SOX5: variants seen among roughly 807,000 people sequenced by gnomAD.
SOX5 encodes the protein transcription factor SOX-5.
A neutral mutation model predicts 92.0 loss-of-function variants in SOX5; 9 were observed. That is an observed-to-expected ratio of 0.10 (90% CI 0.06 to 0.17). The LOEUF (loss-of-function observed/expected upper bound fraction) is 0.17, where lower values mean the gene tolerates loss of function less well. Among genes scored for constraint, SOX5 ranks in the 10% least tolerant of loss-of-function variants. The pLI, the probability that SOX5 is intolerant of heterozygous loss-of-function variation, is 1.00. For missense variants in SOX5, 642 were observed against 944.5 expected (o/e 0.68, Z 4.20); for synonymous variants, 344 against 336.3 (o/e 1.02, Z -0.25).
At chr12:24,247,623 T>A (rs1028923586) in intron 3 of SOX5, among the ~76,000 whole-genome samples, 1 of 150,456 alleles carries the variant, frequency 6.6e-6, no homozygotes, top group African/African-American at 2.4e-5. Context: ...AGCAATGCAA[T>A]GATCCCTGAT....
chr12:24,169,663 AG>A (rs1313937639), intron 4 of SOX5, among the ~76,000 whole-genome samples: 2 of 152,238 alleles, frequency 1.3e-5, no homozygotes, highest in Admixed American at 1.3e-4. Context: ...ACAAGAAATG[AG>A]AAGTATTAAA....
intron 1 of SOX5, among the ~76,000 whole-genome samples, chr12:24,552,138 C>A (rs1156242182): frequency 6.6e-6 from 1 of 152,000 alleles, no homozygotes. Flanking sequence ...TGACTTGAAG[C>A]ATGTTAATGT....
chr12:24,040,420 T>G (rs1440594562), intron 4 of SOX5, among the ~76,000 whole-genome samples: 1 of 152,220 alleles, frequency 6.6e-6, no homozygotes, highest in African/African-American at 2.4e-5. Flanking sequence ...ACAAAGTAAT[T>G]GTAACCATAC....
chr12:24,364,737 C>T (rs1319796189), intron 2 of SOX5, among the ~76,000 whole-genome samples: 1 of 151,732 alleles, frequency 6.6e-6, no homozygotes, highest in African/African-American at 2.4e-5. Flanking sequence ...AATGAACTAC[C>T]TGCTGTTTTC....
intron 1 of SOX5, among the ~76,000 whole-genome samples, chr12:24,544,662 AT>A (rs1952446342): frequency 6.6e-6 from 1 of 152,254 alleles, no homozygotes. Context: ...ATTTAAAAAA[AT>A]ATTTTAAAGC....
intron 1 of SOX5, among the ~76,000 whole-genome samples, chr12:24,389,947 G>A (rs1245080638): frequency 6.6e-6 from 1 of 151,968 alleles, no homozygotes; most frequent in East Asian, 1.9e-4. Flanking sequence ...CTGAGGTCTT[G>A]GTTCTTAAGC....
intron 4 of SOX5, among the ~76,000 whole-genome samples, chr12:24,156,525 CA>C (rs1357578039): frequency 6.6e-6 from 1 of 152,132 alleles, no homozygotes; most frequent in Non-Finnish European, 1.5e-5. Context: ...TCCCTGATAT[CA>C]GTTTCCAGAA....
chr12:23,715,968 C>G (rs555969032), intron 6 of SOX5, among the ~76,000 whole-genome samples: 1 of 152,226 alleles, frequency 6.6e-6, no homozygotes, highest in Non-Finnish European at 1.5e-5. Context: ...TTCCTGGTCT[C>G]TAGCTAAAAT....
chr12:24,450,010 C>G (rs1942035922), intron 1 of SOX5, among the ~76,000 whole-genome samples: 1 of 152,186 alleles, frequency 6.6e-6, no homozygotes, highest in Non-Finnish European at 1.5e-5. Context: ...TTGACACACT[C>G]TCTGTAAAAT....
rs541049609 is a variant in SOX5 at position 23,668,958 on chromosome 12, T to C, written c.811-3394A>G. Among the ~76,000 whole-genome samples, 3 of 152,286 alleles carry C rather than the reference T, an allele frequency of 2.0e-5. No individual in the cohort carries two copies. The South Asian group carries it at 6.2e-4, about 32-fold the overall frequency. On this transcript the variant is annotated intron_variant, in intron 6 of 14. Coordinates refer to ENST00000451604, the MANE Select transcript of SOX5 (RefSeq NM_006940.6). Reference sequence around the variant, plus strand: ...AAATATTTTATATTTTATGTAAATGTTCTATTGTTGAAACATTCAATGGCT... The same window carrying C: ...AAATATTTTATATTTTATGTAAATGCTCTATTGTTGAAACATTCAATGGCT...
At chr12:24,211,441 T>A (rs765463411) in intron 4 of SOX5, among the ~76,000 whole-genome samples, 15 of 152,218 alleles carry the variant, frequency 9.9e-5, no homozygotes, top group Non-Finnish European at 1.9e-4. Flanking sequence ...CATCTTTTTA[T>A]TTCATCTAGC....
chr12:24,045,300 A>T (rs76504223), intron 4 of SOX5, among the ~76,000 whole-genome samples: 9,581 of 152,254 alleles, frequency 0.063, 420 homozygotes, highest in Non-Finnish European at 0.096. Context: ...GACCAAAGGG[A>T]TTAAATATTT....
At chr12:23,976,407 A>AC (rs1491475530) in intron 4 of SOX5, among the ~76,000 whole-genome samples, 2 of 17,144 alleles carry the variant, frequency 1.2e-4, no homozygotes, top group East Asian at 4.7e-3. Flanking sequence ...ACAAAAAAAC[A>AC]AAAAAAAAAA....
In SOX5 at chr12:24,480,212, C is replaced by T. The variant is rs185276306; in HGVS notation, c.-251+82117G>A. Among the ~76,000 whole-genome samples, 633 of 152,212 alleles carry T rather than the reference C, an allele frequency of 4.2e-3. 2 individuals carry two copies. Among genetic ancestry groups the T allele is most frequent in the Middle Eastern group, 6.8e-3 (2 of 294 alleles). On this transcript the variant is annotated intron_variant, in intron 1 of 4. Coordinates refer to the SOX5 transcript ENST00000446891. Reference sequence around the variant, plus strand: ...GTTGGGAAAACTGGATATCCCTGTGCAGAAGAATGAAACCTAGATCCCTCT... The same window carrying T: ...GTTGGGAAAACTGGATATCCCTGTGTAGAAGAATGAAACCTAGATCCCTCT...
intron 3 of SOX5, among the ~76,000 whole-genome samples, chr12:23,760,537 C>G (rs2094533475): frequency 6.6e-6 from 1 of 152,060 alleles, no homozygotes; most frequent in African/African-American, 2.4e-5. Flanking sequence ...GCTTGCTTTT[C>G]CCTTCTCACT....
intron 2 of SOX5, among the ~76,000 whole-genome samples, chr12:24,353,733 C>G (rs574392294): frequency 2.0e-5 from 3 of 152,120 alleles, no homozygotes; most frequent in South Asian, 4.2e-4. Context: ...CCCCGCCTCC[C>G]GGCTTCAAAC....
At chr12:23,579,391 C>A (rs1949731554) in intron 9 of SOX5, among the ~76,000 whole-genome samples, 1 of 152,092 alleles carries the variant, frequency 6.6e-6, no homozygotes, top group South Asian at 2.1e-4. Context: ...TAAGAACTCA[C>A]ATTCTTGATC....
intron 4 of SOX5, among the ~76,000 whole-genome samples, chr12:23,744,931 A>G (rs1464491555): frequency 6.6e-6 from 1 of 151,398 alleles, no homozygotes; most frequent in Non-Finnish European, 1.5e-5. Context: ...TGTCTTCTCC[A>G]TATGTGTTCA....
intron 10 of SOX5, among the ~76,000 whole-genome samples, chr12:23,568,159 A>G (rs923331658): frequency 6.6e-6 from 1 of 152,162 alleles, no homozygotes; most frequent in Non-Finnish European, 1.5e-5. Context: ...GAGGAGAGAG[A>G]TTTGACCCAT....
Sources: allele counts gnomAD v4.1 joint callset (sites outside exome capture counted in the v4.1 genomes callset), GRCh38; gene constraint gnomAD v4.1.1; transcripts MANE v1.5; gene names NCBI Gene and HGNC (gene_info 2026-07-23, HGNC 2026-07-21).